The following PTPRD variants were observed in gnomAD, a reference collection of about 807,000 sequenced individuals.
PTPRD encodes the protein receptor-type tyrosine-protein phosphatase delta.
PTPRD carries 34 observed loss-of-function variants against 214.5 expected under a neutral mutation model. The ratio of observed to expected loss-of-function variants is 0.16; its 90% confidence interval spans 0.12 to 0.21. The LOEUF is 0.21. Among genes scored for constraint, PTPRD ranks in the 10% least tolerant of loss-of-function variants. PTPRD has a pLI of 1.00. For missense variants in PTPRD, 2,545 were observed against 2,398.7 expected, an observed-to-expected ratio of 1.06 and a Z score of -1.27; for synonymous variants, 1,128 against 845.7, an observed-to-expected ratio of 1.33 and a Z score of -5.79.
At chr9:9,431,740 C>T (rs2083221753) in intron 8 of PTPRD, among the ~76,000 whole-genome samples, 2 of 151,902 alleles carry the variant, frequency 1.3e-5, no homozygotes, top group Non-Finnish European at 2.9e-5. Context: ...AGGATGAGTT[C>T]ATGTCCTTTG....
intron 9 of PTPRD, among the ~76,000 whole-genome samples, chr9:9,183,915 T>G (rs1454532903): frequency 6.6e-6 from 1 of 151,846 alleles, no homozygotes; most frequent in Non-Finnish European, 1.5e-5. Context: ...ATTTCATAAT[T>G]AATTTAAAAA....
At chr9:9,822,294 C>T (rs1230329110) in intron 5 of PTPRD, among the ~76,000 whole-genome samples, 1 of 151,396 alleles carries the variant, frequency 6.6e-6, no homozygotes, top group Non-Finnish European at 1.5e-5. Flanking sequence ...GCCTGTAGTT[C>T]CAGCTACTAT....
chr9:8,522,867 A>G (rs965325506), intron 19 of PTPRD, among the ~76,000 whole-genome samples: 5 of 152,198 alleles, frequency 3.3e-5, no homozygotes, highest in Non-Finnish European at 4.4e-5. Flanking sequence ...AAATAAACTG[A>G]TAAGTAACCT....
chr9:9,049,036 C>G (rs796952545), intron 10 of PTPRD, among the ~76,000 whole-genome samples: 4 of 152,292 alleles, frequency 2.6e-5, no homozygotes, highest in African/African-American at 9.6e-5. Context: ...GGCCCACAGG[C>G]CAGCACTTGC....
intron 7 of PTPRD, among the ~76,000 whole-genome samples, chr9:9,718,721 G>A (rs1441344294): frequency 6.6e-6 from 1 of 152,250 alleles, no homozygotes; most frequent in Non-Finnish European, 1.5e-5. Context: ...AGGTGTGCCT[G>A]TACTTGGGGG....
intron 8 of PTPRD, among the ~76,000 whole-genome samples, chr9:9,487,411 T>A (rs370839359): frequency 4.6e-5 from 7 of 152,166 alleles, no homozygotes; most frequent in Middle Eastern, 3.2e-3. Context: ...TATGGCTGCA[T>A]AGTATTCCAT....
chr9:10,436,044 A>G (rs2098714942), intron 2 of PTPRD, among the ~76,000 whole-genome samples: 1 of 151,882 alleles, frequency 6.6e-6, no homozygotes, highest in Admixed American at 6.6e-5. Context: ...GGTATAACAC[A>G]AAGTGAAAGA....
intron 2 of PTPRD, among the ~76,000 whole-genome samples, chr9:10,438,071 G>A (rs1277194475): frequency 1.4e-5 from 2 of 144,244 alleles, no homozygotes; most frequent in Non-Finnish European, 3.0e-5. Context: ...CAAACTCATG[G>A]TTCAGAAAAA....
intron 2 of PTPRD, among the ~76,000 whole-genome samples, chr9:10,408,273 G>C (rs2098397002): frequency 6.6e-6 from 1 of 151,408 alleles, no homozygotes; most frequent in Non-Finnish European, 1.5e-5. Context: ...GTGGTTATGG[G>C]CTAAATTCTG....
At chr9:10,444,916 G>C (rs928645315) in intron 2 of PTPRD, among the ~76,000 whole-genome samples, 27 of 151,872 alleles carry the variant, frequency 1.8e-4, no homozygotes, top group Admixed American at 1.4e-3. Flanking sequence ...GAAAAATAGA[G>C]TAGGAAAAAT....
chr9:9,893,323 C>T (rs1025294198), intron 5 of PTPRD, among the ~76,000 whole-genome samples: 13 of 151,968 alleles, frequency 8.6e-5, no homozygotes, highest in Non-Finnish European at 1.5e-4. Flanking sequence ...AATTAAAAGA[C>T]ACAGAGTGGC....
intron 11 of PTPRD, among the ~76,000 whole-genome samples, chr9:8,959,375 G>T (rs1216638236): frequency 6.6e-6 from 1 of 151,976 alleles, no homozygotes; most frequent in East Asian, 1.9e-4. Context: ...GTTGAGGAGA[G>T]CCAGGAAAAT....
intron 44 of PTPRD, among the ~76,000 whole-genome samples, chr9:8,326,999 A>G (rs1358290811): frequency 6.8e-6 from 1 of 146,562 alleles, no homozygotes; most frequent in African/African-American, 2.5e-5. Flanking sequence ...GGATTCATTG[A>G]TTTTTTGAAG....
chr9:10,483,319 A>T (rs1292831335), intron 2 of PTPRD, among the ~76,000 whole-genome samples: 4 of 152,122 alleles, frequency 2.6e-5, no homozygotes, highest in African/African-American at 9.7e-5. Flanking sequence ...AACCCCTAAC[A>T]CCATAAATTC....
In PTPRD at chr9:8,814,751, T is replaced by C. The variant is rs150483121; in HGVS notation, c.-103-80805A>G. 1.9e-4 allele frequency among the ~76,000 whole-genome samples: 29 copies of C among 152,314 alleles called. 2 individuals carry two copies. The highest frequency in any genetic ancestry group is 6.0e-4 in the African/African-American group (25 of 41,560). On this transcript the variant is annotated intron_variant, in intron 11 of 45. Coordinates refer to ENST00000381196, the MANE Select transcript of PTPRD (RefSeq NM_002839.4). ...TTCACTGGAAAAGTGGTGCCATACA[T>C]ACATTTACAAATAGTATGGATTATA...
intron 2 of PTPRD, among the ~76,000 whole-genome samples, chr9:10,399,320 A>G (rs2098230594): frequency 6.6e-6 from 1 of 152,002 alleles, no homozygotes; most frequent in Non-Finnish European, 1.5e-5. Context: ...ACACTTACAT[A>G]TCAATGCTTT....
At chr9:9,678,414 G>T (rs565073589) in intron 7 of PTPRD, among the ~76,000 whole-genome samples, 2 of 151,792 alleles carry the variant, frequency 1.3e-5, no homozygotes, top group Admixed American at 1.3e-4. Context: ...AAATAATGCC[G>T]CATATCTACA....
chr9:8,333,555 C>G (rs1156407527), intron 43 of PTPRD, among the ~76,000 whole-genome samples: 2 of 152,044 alleles, frequency 1.3e-5, no homozygotes, highest in Non-Finnish European at 2.9e-5. Flanking sequence ...CTGAAGGAAG[C>G]ACTAAACATG....
At chr9:9,674,005 C>T (rs985027053) in intron 7 of PTPRD, among the ~76,000 whole-genome samples, 1 of 151,730 alleles carries the variant, frequency 6.6e-6, no homozygotes, top group African/African-American at 2.4e-5. Context: ...AAAGTTTAGT[C>T]TCCCAGATCT....
Sources: allele counts gnomAD v4.1 joint callset (sites outside exome capture counted in the v4.1 genomes callset), GRCh38; gene constraint gnomAD v4.1.1; transcripts MANE v1.5; gene names NCBI Gene and HGNC (gene_info 2026-07-23, HGNC 2026-07-21).